The following TRIM2 variants were observed in gnomAD, a reference collection of about 807,000 sequenced individuals.
The protein encoded by TRIM2 is tripartite motif containing 2, also known as tripartite motif-containing protein 2.
A neutral mutation model predicts 75.2 loss-of-function variants in TRIM2; 20 were observed. The observed-to-expected ratio is 0.27, with a 90% CI of 0.19 to 0.39. The LOEUF is 0.39. Among genes scored for constraint, TRIM2 ranks in the 10% least tolerant of loss-of-function variants. The pLI, the probability that TRIM2 is intolerant of heterozygous loss-of-function variation, is 1.00. For missense variants in TRIM2, 660 were observed against 990.8 expected (o/e 0.67, Z 4.48); for synonymous variants, 373 against 388.3 (o/e 0.96, Z 0.46).
chr4:153,241,396 G>A (rs746742563), intron 1 of TRIM2, among the ~76,000 whole-genome samples: 5 of 152,218 alleles, frequency 3.3e-5, no homozygotes, highest in Non-Finnish European at 7.3e-5. Flanking sequence ...TTGGGGGATG[G>A]TCCTGCCCCC....
In TRIM2 at chr4:153,295,411, C is replaced by G. The variant is rs763610177; in HGVS notation, c.885C>G (p.Thr295=). 7 of 1,614,096 alleles carry G rather than the reference C, an allele frequency of 4.3e-6. No homozygotes were observed. The highest frequency in any genetic ancestry group is 5.1e-6 in the Non-Finnish European group (6 of 1,179,974). The change falls in exon 6 of 12, where the codon ACC becomes ACG. Residue 295 remains threonine, a synonymous_variant. Transcript: ENST00000338700. This position sits in a 1 kb window ranked among gnomAD's most constrained non-coding sequence, Gnocchi z 7.2. The part of the protein sequence containing the change: ...TAQALNHGTE[T]EVLLVKKQMS... ...AGGCCCTCAACCATGGCACGGAGACCGAGGTCCTACTGGTGAAGAAGCAGA... is the reference window on the plus strand; with the variant it reads ...AGGCCCTCAACCATGGCACGGAGACGGAGGTCCTACTGGTGAAGAAGCAGA...
rs1762567984 is a variant in TRIM2, at chr4:153,295,369, C to T, written c.843C>T (p.Cys281=). The T allele has an allele frequency of 1.2e-6, 2 of 1,613,544 alleles. No homozygotes were observed. Among genetic ancestry groups the T allele is most frequent in the Admixed American group, 3.3e-5 (2 of 59,944 alleles). The part of the protein sequence containing the change: ...LLQGQESIKS[C]SNFTAQALNH... ...AGGGGCAGGAGAGCATTAAGAGCTG[C>T]AGCAACTTCACAGCGCAGGCCCTCA... Residue 281 remains cysteine (C), a synonymous_variant, in exon 6 of 12, where the codon TGC becomes TGT. Coordinates refer to ENST00000338700, the MANE Select transcript of TRIM2 (RefSeq NM_015271.5). The surrounding 1 kb of genome is among the most constrained non-coding windows in gnomAD (Gnocchi z 7.2).
intron 1 of TRIM2, among the ~76,000 whole-genome samples, chr4:153,263,522 A>G (rs765129201): frequency 1.3e-5 from 2 of 152,196 alleles, no homozygotes; most frequent in South Asian, 2.1e-4. Context: ...GATAATGTCT[A>G]CTATGTACCA....
chr4:153,330,197 A>G (rs544984703), intron 11 of TRIM2, among the ~76,000 whole-genome samples: 1 of 152,358 alleles, frequency 6.6e-6, no homozygotes, highest in South Asian at 2.1e-4. Flanking sequence ...AGAAATGTCT[A>G]GATGGAGATG....
chr4:153,197,327 G>T (rs1267208749), intron 1 of TRIM2, among the ~76,000 whole-genome samples: 1 of 152,142 alleles, frequency 6.6e-6, no homozygotes, highest in Non-Finnish European at 1.5e-5. Context: ...AAAATCAAAA[G>T]CTTCATCAAA....
rs115001482 is a variant in TRIM2 at position 153,249,222 on chromosome 4, T to C, written c.31-21113T>C. 3.1e-3 allele frequency among the ~76,000 whole-genome samples: 476 copies of C among 152,376 alleles called. 1 individual carries two copies. Among genetic ancestry groups the C allele is most frequent in the African/African-American group, 0.011 (452 of 41,588 alleles). ...GTGGGGGAAAGACAGAGGTTCGGAA[T>C]ACCGGCGCGCAATCGCCATCTGGGT... On this transcript the variant is annotated intron_variant, in intron 1 of 11. Transcript: ENST00000338700.
At chr4:153,191,684 G>C (rs928901802) in intron 1 of TRIM2, among the ~76,000 whole-genome samples, 6 of 152,202 alleles carry the variant, frequency 3.9e-5, no homozygotes, top group African/African-American at 1.4e-4. Context: ...TTTCCTTCAT[G>C]ATGATATAGT....
Position 153,336,382 on chromosome 4 carries a change from A to AT in TRIM2, c.*1417dup. 2 of 985,006 alleles carry AT rather than the reference A, an allele frequency of 2.0e-6. No homozygotes were observed. The highest frequency in any genetic ancestry group is 2.4e-6 in the Non-Finnish European group (2 of 829,558). The allele number at this position is 985,006 out of a possible 1,614,324, so 61.0% of individuals were successfully genotyped here. A position where few individuals can be genotyped will look rare whatever the true frequency, so the allele number is the denominator to read the frequency against. ...AACAAAAAAAAAACCACACACACAC[A>AT]TAAAAAACCCAACAGGTCAAAATAA... On this transcript the variant is annotated 3_prime_UTR_variant, in exon 12 of 12. Coordinates refer to ENST00000338700, the MANE Select transcript of TRIM2 (RefSeq NM_015271.5).
intron 1 of TRIM2, among the ~76,000 whole-genome samples, chr4:153,257,210 C>G (rs140910881): frequency 4.6e-5 from 7 of 152,348 alleles, no homozygotes; most frequent in African/African-American, 1.7e-4. Flanking sequence ...GGTCGCCTCT[C>G]CCCTGGTGAA....
intron 8 of TRIM2, among the ~76,000 whole-genome samples, chr4:153,316,955 A>T (rs1481244769): frequency 7.9e-6 from 1 of 126,394 alleles, no homozygotes; most frequent in Non-Finnish European, 1.5e-5. Flanking sequence ...ATCTCAGCTC[A>T]CTGCAAGCTC....
chr4:153,209,773 C>A (rs567549971), intron 1 of TRIM2, among the ~76,000 whole-genome samples: 1 of 152,260 alleles, frequency 6.6e-6, no homozygotes, highest in African/African-American at 2.4e-5. Context: ...ATCTGTAGTA[C>A]CCTCAAAGCC....
chr4:153,294,866 A>G (rs1300168320), intron 5 of TRIM2, among the ~76,000 whole-genome samples: 2 of 152,222 alleles, frequency 1.3e-5, no homozygotes, highest in African/African-American at 2.4e-5. Context: ...TTAACTCTGC[A>G]TGTCTGTTCA....
intron 1 of TRIM2, among the ~76,000 whole-genome samples, chr4:153,235,300 T>C (rs1416330115): frequency 6.6e-6 from 1 of 151,980 alleles, no homozygotes; most frequent in Non-Finnish European, 1.5e-5. Context: ...TTTTTTTTTT[T>C]TTGAGACAAG....
chr4:153,196,429 C>G (rs754029321), intron 1 of TRIM2, among the ~76,000 whole-genome samples: 1 of 152,052 alleles, frequency 6.6e-6, no homozygotes, highest in Non-Finnish European at 1.5e-5. Flanking sequence ...AGGGCAAGAC[C>G]CTGTCTCTTA....
chr4:153,320,412 A>G (rs1768671427), intron 8 of TRIM2, among the ~76,000 whole-genome samples: 1 of 152,224 alleles, frequency 6.6e-6, no homozygotes, highest in African/African-American at 2.4e-5. Flanking sequence ...TTCACATTAT[A>G]TTTCTATCAG....
intron 1 of TRIM2, among the ~76,000 whole-genome samples, chr4:153,166,888 A>G (rs936991923): frequency 4.6e-5 from 7 of 152,184 alleles, no homozygotes; most frequent in African/African-American, 1.7e-4. Context: ...TCCAGCTTTC[A>G]GTTTGGTATG....
At chr4:153,312,138 C>T (rs1646667404) in intron 6 of TRIM2, among the ~76,000 whole-genome samples, 1 of 145,972 alleles carries the variant, frequency 6.9e-6, no homozygotes, top group South Asian at 2.2e-4. Context: ...TTGTTCAATT[C>T]CCACCTGTGA....
chr4:153,250,968 G>C (rs1391221919), intron 1 of TRIM2, among the ~76,000 whole-genome samples: 1 of 152,200 alleles, frequency 6.6e-6, no homozygotes, highest in Non-Finnish European at 1.5e-5. Context: ...CTTGTGCAAT[G>C]TATAACATTA....
rs559398737 is a variant in TRIM2, at chr4:153,323,018, G to T, written c.1951+202G>T. Among the ~76,000 whole-genome samples, 64 of 152,316 alleles carry T rather than the reference G, an allele frequency of 4.2e-4. No individual in the cohort carries two copies. The South Asian group carries it at 7.0e-3, about 17-fold the overall frequency. On this transcript the variant is annotated intron_variant, in intron 9 of 11. Coordinates refer to ENST00000338700, the MANE Select transcript of TRIM2 (RefSeq NM_015271.5). The stretch of plus-strand genomic sequence containing the variant: ...CACCCACCCGGCAGTAAGTTGAGCT[G>T]CAGTCCTTGTGTGGTTTTTATCGGT...
Sources: gnomAD v4.1 joint callset for allele counts (sites outside exome capture counted in the v4.1 genomes callset) on GRCh38, gnomAD v4.1.1 for gene constraint, Gnocchi (gnomAD v3.1) non-coding constraint, MANE v1.5 for transcripts, NCBI Gene and HGNC (gene_info 2026-07-23, HGNC 2026-07-21) for gene names.